CAND2: variants seen among roughly 807,000 people sequenced by gnomAD.
CAND2 encodes the protein cullin associated and neddylation dissociated 2 (putative).
Under a neutral mutation model 98.9 loss-of-function variants are expected in CAND2, and 62 were observed. The observed-to-expected ratio is 0.63, with a 90% CI of 0.51 to 0.77. CAND2 has a LOEUF of 0.77. Among genes scored for constraint, CAND2 ranks in the 30% least tolerant of loss-of-function variants. The pLI, the probability that CAND2 is intolerant of heterozygous loss-of-function variation, is 0.00. For missense variants in CAND2, 1,501 were observed against 1,655.2 expected, an observed-to-expected ratio of 0.91 and a Z score of 1.62; for synonymous variants, 770 against 731.9, an observed-to-expected ratio of 1.05 and a Z score of -0.84.
At chr3:12,820,365 C>T (rs2061947449) in intron 11 of CAND2, among the ~76,000 whole-genome samples, 184 bp downstream of exon 11, 1 of 152,242 alleles carries the variant, frequency 6.6e-6, no homozygotes. Context: ...CTTCCTACTG[C>T]CACTCAATCA....
rs558409920 is a variant in CAND2, at chr3:12,803,817, G to A, written c.212+186G>A. Among the ~76,000 whole-genome samples, 3 of 152,214 alleles carry A rather than the reference G, an allele frequency of 2.0e-5. No individual in the cohort carries two copies. In the South Asian group the frequency reaches 6.2e-4, roughly 32 times the overall value. On this transcript the variant is annotated intron_variant, in intron 2 of 14. Transcript: ENST00000456430. ...CAAGGATTCAAATCTAAGTTTATTT[G>A]GGAGGCGCTCCCAGGAAACATGGTA...
chr3:12,828,916 T>C (rs994508149), intron 13 of CAND2, among the ~76,000 whole-genome samples: 39 of 152,338 alleles, frequency 2.6e-4, no homozygotes, highest in African/African-American at 9.4e-4. Context: ...CAGTGTTGTA[T>C]GTACAGACCA....
intron 13 of CAND2, among the ~76,000 whole-genome samples, chr3:12,829,702 C>T (rs560093350): frequency 1.1e-4 from 17 of 152,304 alleles, no homozygotes; most frequent in East Asian, 7.7e-4. Flanking sequence ...AGTGCCAACA[C>T]GCCAAGGTCA....
intron 1 of CAND2, among the ~76,000 whole-genome samples, chr3:12,798,921 G>A (rs2061746110): frequency 6.7e-6 from 1 of 150,094 alleles, no homozygotes; most frequent in Admixed American, 6.6e-5. Flanking sequence ...CCTGGAGCGG[G>A]GCAGCGACTG....
chr3:12,831,415 C>A, intron 13 of CAND2, 50 bp from the exon 14 acceptor site: 1 of 1,480,568 alleles, frequency 6.8e-7, no homozygotes, highest in Non-Finnish European at 9.4e-7. Flanking sequence ...CTGGCTGCTG[C>A]TCTTGCTCCT....
At position 12,825,512 on chromosome 3, in the gene CAND2, G is replaced by A. The variant is rs536119459; in HGVS notation, c.3083G>A (p.Arg1028His). 75 of 1,583,464 alleles carry A rather than the reference G, an allele frequency of 4.7e-5. 1 individual carries two copies. The South Asian group carries it at 5.4e-4, about 11-fold the overall frequency. ...ESLQDPDLNV[R>H]RATLAFFNSA... Reference sequence around the variant, plus strand: ...CTGCAGGACCCAGACCTGAACGTGCGCCGTGCGACTCTGGCTTTCTTCAAC... The same window carrying A: ...CTGCAGGACCCAGACCTGAACGTGCACCGTGCGACTCTGGCTTTCTTCAAC... The change falls in exon 12 of 15, where the codon CGC becomes CAC. Residue 1028 changes from arginine (R) to histidine (H), a missense_variant. Transcript: ENST00000456430.
In CAND2 at chr3:12,815,291, A is replaced by C. The variant is rs776527631; in HGVS notation, c.1157A>C (p.Lys386Thr). ...GCACCTGTGCTCATCCGCCGCTTCA[A>C]AGAACGCGAGGAGAACGTCAAGGCT... is the stretch of plus-strand genomic sequence containing the variant. ...TLAPVLIRRF[K>T]EREENVKADV... Residue 386 changes from lysine (K) to threonine (T), a missense_variant, in exon 8 of 15, where the codon AAA (lysine) becomes ACA (threonine). Physicochemically the swap from Lys to Thr is moderately conservative, Grantham distance 78. Coordinates refer to ENST00000456430, the MANE Select transcript of CAND2 (RefSeq NM_001162499.2). This position sits in a 1 kb window ranked among gnomAD's most constrained non-coding sequence, Gnocchi z 5.7. 6.2e-7 allele frequency: 1 copy of C among 1,613,990 alleles called. No individual in the cohort carries two copies. Among genetic ancestry groups the C allele is most frequent in the South Asian group, 1.1e-5 (1 of 91,088 alleles).
Position 12,816,721 on chromosome 3 carries a change from C to A in CAND2, c.1789C>A (p.His597Asn), listed in dbSNP as rs2061906779. ...GGAGCGGGCCATTTCCTGCATGGGC[C>A]ACCTTGTAGGCCACCTGGGTGACCG... is the stretch of plus-strand genomic sequence containing the variant. ...VKERAISCMG[H>N]LVGHLGDRLG... The change falls in exon 10 of 15, where the codon CAC (histidine) becomes AAC (asparagine). Residue 597 changes from histidine (H) to asparagine (N), a missense_variant. By Grantham distance (68) the His-to-Asn change is moderately conservative (BLOSUM62 1). This residue lies in a region of CAND2 where 1,427 missense variants were observed against 1,545.3 expected (regional missense o/e 0.92). Transcript: ENST00000456430. 4 of 1,613,694 alleles carry A rather than the reference C, an allele frequency of 2.5e-6. No individual in the cohort carries two copies. The highest frequency in any genetic ancestry group is 3.4e-6 in the Non-Finnish European group (4 of 1,180,052).
chr3:12,816,423 G>A lies in CAND2; in HGVS notation c.1491G>A (p.Met497Ile), dbSNP rs768171009. 2 of 1,613,778 alleles carry A rather than the reference G, an allele frequency of 1.2e-6. No homozygotes were observed. The highest frequency in any genetic ancestry group is 4.5e-5 in the East Asian group (2 of 44,898). The change falls in exon 10 of 15, where the codon ATG (methionine) becomes ATA (isoleucine). Residue 497 changes from methionine to isoleucine, a missense_variant. Physicochemically the swap from Met to Ile is conservative, Grantham distance 10 (BLOSUM62 1). Transcript: ENST00000456430. The part of the protein sequence containing the change: ...ADRSSSSTIR[M>I]DALAFLQGLL... ...GCTCCAGCTCCTCCACCATCCGGAT[G>A]GATGCCCTGGCCTTCTTGCAGGGGC...
chr3:12,809,880 C>T (rs1372531226), intron 4 of CAND2, 179 bp from the exon 5 acceptor site: 3 of 698,822 alleles, frequency 4.3e-6, no homozygotes, highest in Non-Finnish European at 6.4e-6. Flanking sequence ...CGCTTTCTCT[C>T]ATGTAACAAA....
chr3:12,822,498 T>G (rs1280938724), intron 11 of CAND2, among the ~76,000 whole-genome samples: 1 of 152,084 alleles, frequency 6.6e-6, no homozygotes, highest in Non-Finnish European at 1.5e-5. Context: ...AGGGTTTTGC[T>G]ATGTTACCCA....
intron 11 of CAND2, 129 bp from the exon 12 acceptor site, chr3:12,825,341 C>A: frequency 2.4e-6 from 2 of 848,994 alleles, no homozygotes; most frequent in Non-Finnish European, 3.6e-6. Context: ...AGTAGATGCT[C>A]ACCACACCCA....
At chr3:12,797,760 C>T (rs530613924) in intron 1 of CAND2, among the ~76,000 whole-genome samples, 1 of 106,930 alleles carries the variant, frequency 9.4e-6, no homozygotes. Flanking sequence ...ACATGAAGGG[C>T]GTAGGTTCAG....
Position 12,813,071 on chromosome 3 carries a change from AG to A in CAND2, c.841del (p.Ala281LeufsTer6). On this transcript the variant is annotated frameshift_variant, in exon 6 of 15. Transcript: ENST00000456430. LOFTEE classifies it high-confidence loss of function. ...GATGAGCTCCGGGAGTCCTGCCTCC[AG>A]GCTTTTGAGGCCTTCTTGAGGAAGT... ...DDDELRESCLQAFEAFLRKCP... is the reference protein window; with the variant it reads ...DDDELRESCLXAFEAFLRKCP... 6.3e-7 allele frequency: 1 copy of A among 1,579,504 alleles called. No individual in the cohort carries two copies. The highest frequency in any genetic ancestry group is 8.6e-7 in the Non-Finnish European group (1 of 1,162,802).
intron 11 of CAND2, among the ~76,000 whole-genome samples, chr3:12,823,006 C>T (rs1024815817): frequency 2.6e-5 from 4 of 152,142 alleles, no homozygotes; most frequent in East Asian, 3.8e-4. Flanking sequence ...ATAGCTGCTT[C>T]GTATTGCAGT....
intron 11 of CAND2, among the ~76,000 whole-genome samples, chr3:12,823,686 C>T (rs1017138739): frequency 2.6e-5 from 4 of 151,542 alleles, no homozygotes; most frequent in Non-Finnish European, 5.9e-5. Context: ...GCCGAGATTG[C>T]GCCACTGCAC....
Position 12,817,237 on chromosome 3 carries a change from C to A in CAND2, c.2305C>A (p.Pro769Thr), listed in dbSNP as rs374721572. The part of the protein sequence containing the change: ...GFLQALVGTR[P>T]PCVDYAKLIS... Reference sequence around the variant, plus strand: ...CCTGCAGGCCCTGGTAGGGACCCGTCCCCCGTGTGTGGACTATGCCAAACT... The same window carrying A: ...CCTGCAGGCCCTGGTAGGGACCCGTACCCCGTGTGTGGACTATGCCAAACT... The change falls in exon 10 of 15, where the codon CCC becomes ACC. Residue 769 changes from proline to threonine, a missense_variant. This residue lies in a region of CAND2 where 1,427 missense variants were observed against 1,545.3 expected (regional missense o/e 0.92). Coordinates refer to ENST00000456430, the MANE Select transcript of CAND2 (RefSeq NM_001162499.2). 6.2e-7 allele frequency: 1 copy of A among 1,613,798 alleles called. No individual in the cohort carries two copies. Among genetic ancestry groups the A allele is most frequent in the Non-Finnish European group, 8.5e-7 (1 of 1,180,032 alleles).
chr3:12,818,435 G>A (rs977213778), intron 10 of CAND2, among the ~76,000 whole-genome samples: 2 of 152,250 alleles, frequency 1.3e-5, no homozygotes, highest in African/African-American at 2.4e-5. Context: ...GCAGACGTCA[G>A]TATAGACGGG....
Position 12,815,983 on chromosome 3 carries a change from C to G in CAND2, c.1416C>G (p.Ala472=). Residue 472 remains alanine, a synonymous_variant, in exon 9 of 15, where the codon GCC becomes GCG. Transcript: ENST00000456430. The surrounding 1 kb of genome is among the most constrained non-coding windows in gnomAD (Gnocchi z 5.7). ...CGGGTGTCCTCCCAGGCAGCCTGGC[C>G]GAGCATATGCCTGTGCTGGTATCAG... ...ELAGVLPGSL[A]EHMPVLVSGI... 1 of 1,613,872 alleles carries G rather than the reference C, an allele frequency of 6.2e-7. No homozygotes were observed. Among genetic ancestry groups the G allele is most frequent in the Non-Finnish European group, 8.5e-7 (1 of 1,179,970 alleles).
Sources: gnomAD v4.1 joint callset for allele counts (sites outside exome capture counted in the v4.1 genomes callset) on GRCh38, gnomAD v4.1.1 for gene constraint, gnomAD v4.1.1 regional missense constraint, Gnocchi (gnomAD v3.1) non-coding constraint, MANE v1.5 for transcripts, NCBI Gene and HGNC (gene_info 2026-07-23, HGNC 2026-07-21) for gene names.